The following SNTG1 variants were observed in gnomAD, a reference collection of about 807,000 sequenced individuals.
The protein encoded by SNTG1 is gamma-1-syntrophin.
In SNTG1, 39 loss-of-function variants were observed where a neutral mutation model predicts 74.7. The ratio of observed to expected loss-of-function variants is 0.52; its 90% CI spans 0.40 to 0.68. The LOEUF (loss-of-function observed/expected upper bound fraction) is 0.68. Ranked by LOEUF, SNTG1 falls within the 30% of genes least tolerant of loss-of-function variation. The pLI, the probability that SNTG1 is intolerant of heterozygous loss-of-function variation, is 0.00. For missense variants in SNTG1, 685 were observed against 609.5 expected (o/e 1.12, Z -1.30); for synonymous variants, 254 against 217.1 (o/e 1.17, Z -1.49).
chr8:50,205,082 C>A (rs1469729923), intron 2 of SNTG1, among the ~76,000 whole-genome samples: 2 of 152,140 alleles, frequency 1.3e-5, no homozygotes, highest in East Asian at 1.9e-4. Context: ...TGGGTATACA[C>A]CCAGTAATGA....
At chr8:50,666,921 C>T (rs1364817903) in intron 15 of SNTG1, among the ~76,000 whole-genome samples, 1 of 151,334 alleles carries the variant, frequency 6.6e-6, no homozygotes, top group Non-Finnish European at 1.5e-5. Context: ...TTTCCCATAC[C>T]CCATATTTAC....
At chr8:50,115,843 C>T (rs1002306964) in intron 1 of SNTG1, among the ~76,000 whole-genome samples, 3 of 151,924 alleles carry the variant, frequency 2.0e-5, no homozygotes, top group African/African-American at 4.8e-5. Flanking sequence ...CCAACTACTC[C>T]TTCATCATTC....
rs1439277943 is a variant in SNTG1 at position 49,911,675 on chromosome 8, A to C, written c.-659A>C. ...GAAAGTGCGACCTGGACCTGCGCTT[A>C]GGGGCTCCCGTCCCCTTACTTCAGC... On this transcript the variant is annotated 5_prime_UTR_variant, in exon 1 of 19. Transcript: ENST00000642720. 6.6e-6 allele frequency: 1 copy of C among 152,076 alleles called. No individual in the cohort carries two copies. Among genetic ancestry groups the C allele is most frequent in the Non-Finnish European group, 1.5e-5 (1 of 68,126 alleles). 9.4% of individuals were successfully genotyped at this position (152,076 alleles called of 1,614,324 possible).
chr8:50,288,416 T>C (rs1436294184), intron 2 of SNTG1, among the ~76,000 whole-genome samples: 1 of 152,236 alleles, frequency 6.6e-6, no homozygotes, highest in Non-Finnish European at 1.5e-5. Context: ...ATGTGTAATG[T>C]AATGTAAATT....
intron 1 of SNTG1, among the ~76,000 whole-genome samples, chr8:50,050,542 T>G (rs1286810770): frequency 6.6e-6 from 1 of 152,186 alleles, no homozygotes; most frequent in East Asian, 1.9e-4. Context: ...ACAGATTGAA[T>G]TATAAGTAAA....
At chr8:50,704,848 A>C in intron 16 of SNTG1, 96 bp downstream of exon 16, 1 of 1,400,906 alleles carries the variant, frequency 7.1e-7, no homozygotes, top group Non-Finnish European at 9.7e-7. Flanking sequence ...GTAAAAATAC[A>C]GTTCTGGGAA....
chr8:50,776,845 T>G (rs1333164829), intron 18 of SNTG1, among the ~76,000 whole-genome samples: 3 of 151,966 alleles, frequency 2.0e-5, no homozygotes, highest in Non-Finnish European at 4.4e-5. Context: ...GAAGCACTAT[T>G]TTGCTGGATA....
chr8:50,689,304 A>G (rs1402612398), intron 15 of SNTG1, among the ~76,000 whole-genome samples: 5 of 152,124 alleles, frequency 3.3e-5, no homozygotes, highest in Non-Finnish European at 5.9e-5. Flanking sequence ...AGGAGTGGTG[A>G]GAGAGTGCAT....
chr8:50,749,503 A>G (rs2095562404), intron 17 of SNTG1, among the ~76,000 whole-genome samples: 1 of 152,042 alleles, frequency 6.6e-6, no homozygotes, highest in Non-Finnish European at 1.5e-5. Context: ...ACAGCCTTAT[A>G]TTGGAAGAAG....
In SNTG1 at chr8:50,266,670, G is replaced by GTATATATATA. The variant is rs36195459; in HGVS notation, c.-28+94036_-28+94037insATATATATAT. On this transcript the variant is annotated intron_variant, in intron 2 of 18. Coordinates refer to ENST00000642720, the MANE Select transcript of SNTG1 (RefSeq NM_018967.5). ...TATGTGTGTGTGTGTGTGTGTGTGT[G>GTATATATATA]TGTGTGTGTGTGTGTATATATATAT... 1.5e-4 allele frequency among the ~76,000 whole-genome samples: 10 copies of GTATATATATA among 67,338 alleles called. No homozygotes were observed. The East Asian group carries it at 5.2e-3, about 35-fold the overall frequency. 44.2% of individuals were successfully genotyped at this position (67,338 alleles called of 152,430 possible).
At chr8:50,462,133 A>G (rs1323127817) in intron 8 of SNTG1, among the ~76,000 whole-genome samples, 1 of 152,122 alleles carries the variant, frequency 6.6e-6, no homozygotes, top group Admixed American at 6.5e-5. Flanking sequence ...CTGTACCCCT[A>G]AAACTATTGA....
At chr8:50,371,356 T>A (rs940560361) in intron 2 of SNTG1, among the ~76,000 whole-genome samples, 2 of 152,242 alleles carry the variant, frequency 1.3e-5, no homozygotes, top group Admixed American at 1.3e-4. Flanking sequence ...CAAAAATAAG[T>A]CACATGAACT....
chr8:50,184,435 A>AT lies in SNTG1; in HGVS notation c.-28+11802dup, dbSNP rs566800805. 1.9e-3 allele frequency among the ~76,000 whole-genome samples: 282 copies of AT among 152,256 alleles called. 1 individual carries two copies. The highest frequency in any genetic ancestry group is 6.5e-3 in the African/African-American group (270 of 41,534). On this transcript the variant is annotated intron_variant, in intron 2 of 18. Coordinates refer to ENST00000642720, the MANE Select transcript of SNTG1 (RefSeq NM_018967.5). ...TCCCTTGGCCTCCCAAAGTGCTGGG[A>AT]TTACAGGTGTGAGCCACCGTGCCCG...
chr8:50,675,167 G>C (rs1319736961), intron 15 of SNTG1, among the ~76,000 whole-genome samples: 5 of 152,114 alleles, frequency 3.3e-5, no homozygotes, highest in African/African-American at 1.2e-4. Context: ...GAGTTCTGTA[G>C]ATGTCTATTA....
chr8:50,657,082 C>T, intron 14 of SNTG1, 57 bp downstream of exon 14: 1 of 964,974 alleles, frequency 1.0e-6, no homozygotes, highest in South Asian at 2.3e-5. Context: ...GAGATTGACA[C>T]CAACTTAACA....
At position 50,289,120 on chromosome 8, in the gene SNTG1, A is replaced by G. The variant is rs1434731501; in HGVS notation, c.-27-105092A>G. On this transcript the variant is annotated intron_variant, in intron 2 of 18. Coordinates refer to ENST00000642720, the MANE Select transcript of SNTG1 (RefSeq NM_018967.5). ...GTAATGTTCAACCTTTAGACTTAAG[A>G]TAAATAGTATATAATAAGCCTGGGT... Among the ~76,000 whole-genome samples, 3 of 152,184 alleles carry G rather than the reference A, an allele frequency of 2.0e-5. No homozygotes were observed. The South Asian group carries it at 6.2e-4, about 31-fold the overall frequency.
chr8:49,949,782 C>G (rs1166756847), intron 1 of SNTG1, among the ~76,000 whole-genome samples: 1 of 152,140 alleles, frequency 6.6e-6, no homozygotes, highest in Non-Finnish European at 1.5e-5. Context: ...CTATCCTTCT[C>G]TAGTTATGTT....
At chr8:50,233,817 C>A (rs948937055) in intron 2 of SNTG1, among the ~76,000 whole-genome samples, 6 of 151,688 alleles carry the variant, frequency 4.0e-5, no homozygotes, top group African/African-American at 1.5e-4. Context: ...CATCATTAAA[C>A]TTTAAGGAAA....
chr8:50,053,980 C>T (rs1819809525), intron 1 of SNTG1, among the ~76,000 whole-genome samples: 1 of 152,056 alleles, frequency 6.6e-6, no homozygotes, highest in South Asian at 2.1e-4. Flanking sequence ...TGTCAGGCAT[C>T]TCAAGCAATC....
Sources: allele counts gnomAD v4.1 joint callset (sites outside exome capture counted in the v4.1 genomes callset), GRCh38; gene constraint gnomAD v4.1.1; transcripts MANE v1.5; gene names NCBI Gene and HGNC (gene_info 2026-07-23, HGNC 2026-07-21).